RBM45: variants seen among roughly 807,000 people sequenced by gnomAD.
RBM45 encodes RNA-binding protein 45.
In RBM45, 39 loss-of-function variants were observed where a neutral mutation model predicts 58.5. That is an observed-to-expected ratio of 0.67 (90% CI 0.52 to 0.87). RBM45 has a LOEUF of 0.87. Among genes scored for constraint, RBM45 ranks in the 40% least tolerant of loss-of-function variants. The pLI, the probability that RBM45 is intolerant of heterozygous loss-of-function variation, is 0.00. For missense variants in RBM45, 481 were observed against 581.6 expected (o/e 0.83, Z 1.78); for synonymous variants, 193 against 203.0 (o/e 0.95, Z 0.42).
exon 4 of RBM45, chr2:178,138,046 AT>A (rs2088059187): frequency 6.6e-6 from 1 of 152,204 alleles, no homozygotes; most frequent in African/African-American, 2.4e-5. Context: ...CTAAATTAAT[AT>A]TTGAGTCAGA....
chr2:178,118,946 G>T (rs919736230), intron 3 of RBM45, among the ~76,000 whole-genome samples: 4 of 152,138 alleles, frequency 2.6e-5, no homozygotes, highest in Admixed American at 1.3e-4. Context: ...TTGAGTACCT[G>T]CAGTATACTG....
intron 8 of RBM45, 114 bp downstream of exon 8, chr2:178,124,404 G>A: frequency 1.8e-6 from 1 of 555,062 alleles, no homozygotes; most frequent in Non-Finnish European, 2.9e-6. Flanking sequence ...TTAGTTCTCT[G>A]CTTTTAAAAC....
In RBM45 at chr2:178,121,289, T is replaced by G. The variant is rs1223216845; in HGVS notation, c.783T>G (p.Leu261=). 6.2e-7 allele frequency: 1 copy of G among 1,606,688 alleles called. No individual in the cohort carries two copies. Among genetic ancestry groups the G allele is most frequent in the East Asian group, 2.2e-5 (1 of 44,478 alleles). The part of the protein sequence containing the change: ...VSRVPFTEEQ[L]FSIFDIVPGL... ...GAGTTCCTTTCACTGAAGAACAGCT[T>G]TTCAGCATTTTTGATATAGTACCAG... The change falls in exon 5 of 10, where the codon CTT becomes CTG. Residue 261 remains leucine, a synonymous_variant. Transcript: ENST00000286070.
At position 178,118,059 on chromosome 2, in the gene RBM45, A is replaced by G; in HGVS notation, c.428A>G (p.Tyr143Cys). Residue 143 changes from tyrosine to cysteine, a missense_variant, in exon 3 of 10, where the codon TAT (tyrosine) becomes TGT (cysteine). Transcript: ENST00000286070. ...CATGTCTTTTAACTCTCTTAGGTGTATGGAGATATCGAGTATTGCAGCATT... is the reference window on the plus strand; with the variant it reads ...CATGTCTTTTAACTCTCTTAGGTGTGTGGAGATATCGAGTATTGCAGCATT... The part of the protein sequence containing the change: ...EEDLREKFKV[Y>C]GDIEYCSIIK... The G allele has an allele frequency of 6.2e-7, 1 of 1,608,988 alleles. No individual in the cohort carries two copies. The highest frequency in any genetic ancestry group is 8.5e-7 in the Non-Finnish European group (1 of 1,177,068).
intron 5 of RBM45, among the ~76,000 whole-genome samples, chr2:178,122,210 A>G (rs1178614037): frequency 6.6e-6 from 1 of 152,042 alleles, no homozygotes; most frequent in African/African-American, 2.4e-5. Context: ...CTGGCATGTA[A>G]TAGGGCACTC....
intron 8 of RBM45, 26 bp downstream of exon 8, chr2:178,124,316 A>C (rs1371264282): frequency 2.1e-6 from 3 of 1,403,040 alleles, no homozygotes; most frequent in Non-Finnish European, 2.9e-6. Context: ...TTTTTGTTAT[A>C]TTTTATTTAC....
intron 9 of RBM45, among the ~76,000 whole-genome samples, chr2:178,127,470 T>C (rs889997202): frequency 6.6e-6 from 1 of 152,220 alleles, no homozygotes; most frequent in African/African-American, 2.4e-5. Context: ...CTGATGACCC[T>C]TCCTCTCCTA....
intron 9 of RBM45, among the ~76,000 whole-genome samples, chr2:178,126,732 T>C (rs1206260864): frequency 1.3e-5 from 2 of 152,200 alleles, no homozygotes; most frequent in Non-Finnish European, 2.9e-5. Context: ...AAACAATACA[T>C]TCAGAAAATA....
intron 4 of RBM45, 97 bp downstream of exon 4, chr2:178,120,506 C>T: frequency 9.2e-7 from 1 of 1,083,154 alleles, no homozygotes; most frequent in Admixed American, 2.9e-5. Context: ...CTATAAATTT[C>T]ACCTAGTGAA....
At chr2:178,135,693 A>G (rs1018957899) in intron 3 of RBM45, among the ~76,000 whole-genome samples, 1 of 152,200 alleles carries the variant, frequency 6.6e-6, no homozygotes, top group African/African-American at 2.4e-5. Flanking sequence ...TGATATTATT[A>G]GCCTTTAGTT....
chr2:178,134,741 C>T (rs919324804), intron 3 of RBM45, among the ~76,000 whole-genome samples: 1 of 152,144 alleles, frequency 6.6e-6, no homozygotes, highest in East Asian at 1.9e-4. Flanking sequence ...CCTGTAATCT[C>T]AGCACTGTGG....
At position 178,112,441 on chromosome 2, in the gene RBM45, C is replaced by A; in HGVS notation, c.-106C>A. ...CCTGGCGCCGGACTCCTCTTTCTCC[C>A]GGAAGCGGAGCACCGAGCCGGCAAA... is the stretch of plus-strand genomic sequence containing the variant. On this transcript the variant is annotated 5_prime_UTR_variant, in exon 1 of 10. Coordinates refer to ENST00000286070, the MANE Select transcript of RBM45 (RefSeq NM_152945.4). 1 of 1,140,158 alleles carries A rather than the reference C, an allele frequency of 8.8e-7. No homozygotes were observed. The highest frequency in any genetic ancestry group is 1.5e-5 in the South Asian group (1 of 66,110). 70.6% of individuals were successfully genotyped at this position (1,140,158 alleles called of 1,614,324 possible).
intron 8 of RBM45, among the ~76,000 whole-genome samples, chr2:178,124,973 T>C (rs2087908497): frequency 6.6e-6 from 1 of 152,214 alleles, no homozygotes; most frequent in Non-Finnish European, 1.5e-5. Context: ...TTTATTTTTG[T>C]GTTTTTAACA....
chr2:178,131,652 A>G (rs1366974763), downstream of RBM45, among the ~76,000 whole-genome samples: 1 of 152,244 alleles, frequency 6.6e-6, no homozygotes, highest in Non-Finnish European at 1.5e-5. Flanking sequence ...TAAAGAGATC[A>G]TATGATACCT....
downstream of RBM45, among the ~76,000 whole-genome samples, chr2:178,133,541 G>A (rs892863387): frequency 3.3e-5 from 5 of 152,152 alleles, no homozygotes; most frequent in East Asian, 1.9e-4. Flanking sequence ...GAATCTTCTT[G>A]TAAAACGAAT....
intron 4 of RBM45, chr2:178,120,887 G>A (rs763991297): frequency 2.1e-5 from 5 of 233,270 alleles, no homozygotes; most frequent in Non-Finnish European, 3.3e-5. Context: ...GTTATTTGAC[G>A]TAAACATTCA....
chr2:178,127,215 G>A (rs1293963264), intron 9 of RBM45, among the ~76,000 whole-genome samples: 1 of 152,136 alleles, frequency 6.6e-6, no homozygotes, highest in South Asian at 2.1e-4. Flanking sequence ...GAGCCACTGC[G>A]CCTGGCCTAA....
chr2:178,125,651 T>C (rs1347660953), intron 8 of RBM45: 4 of 489,008 alleles, frequency 8.2e-6, no homozygotes, highest in Middle Eastern at 3.2e-4. Context: ...AATGGGGAGC[T>C]GCTGAGGGGA....
downstream of RBM45, among the ~76,000 whole-genome samples, chr2:178,129,809 G>T (rs1432511916): frequency 1.3e-5 from 2 of 152,094 alleles, no homozygotes; most frequent in African/African-American, 4.8e-5. Flanking sequence ...CAGTTGTATG[G>T]CATAGTGTAA....
Sources: gnomAD v4.1 joint callset for allele counts (sites outside exome capture counted in the v4.1 genomes callset) on GRCh38, gnomAD v4.1.1 for gene constraint, MANE v1.5 for transcripts, NCBI Gene and HGNC (gene_info 2026-07-23, HGNC 2026-07-21) for gene names.